The following MED13L variants were observed in gnomAD, a reference collection of about 807,000 sequenced individuals.
MED13L encodes the protein mediator complex subunit 13L, also known as mediator of RNA polymerase II transcription subunit 13-like.
Under a neutral mutation model 220.9 loss-of-function variants are expected in MED13L, and 7 were observed. The ratio of observed to expected loss-of-function variants is 0.03; its 90% CI spans 0.02 to 0.06. The LOEUF is 0.06. Among genes scored for constraint, MED13L ranks in the 10% least tolerant of loss-of-function variants. The pLI, the probability that MED13L is intolerant of heterozygous loss-of-function variation, is 1.00. For missense variants in MED13L, 1,965 were observed against 2,760.5 expected, an observed-to-expected ratio of 0.71 and a Z score of 6.46; for synonymous variants, 1,011 against 1,015.2, an observed-to-expected ratio of 1.00 and a Z score of 0.08.
intron 2 of MED13L, among the ~76,000 whole-genome samples, chr12:116,156,152 A>T (rs1878408113): frequency 6.6e-6 from 1 of 152,066 alleles, no homozygotes; most frequent in Non-Finnish European, 1.5e-5. Context: ...CTTTAAGCTT[A>T]TAATAATTAT....
intron 2 of MED13L, among the ~76,000 whole-genome samples, chr12:116,178,257 C>T (rs1159850361): frequency 2.0e-5 from 3 of 152,140 alleles, no homozygotes; most frequent in Admixed American, 2.0e-4. Context: ...TATGAGAGTA[C>T]TCTCTGATAC....
chr12:116,229,481 G>T (rs1176294106), intron 2 of MED13L, among the ~76,000 whole-genome samples: 4 of 151,864 alleles, frequency 2.6e-5, no homozygotes, highest in Non-Finnish European at 5.9e-5. Flanking sequence ...TAGAACATAA[G>T]CCCTTTACAT....
intron 2 of MED13L, among the ~76,000 whole-genome samples, chr12:116,141,281 A>G (rs1877045852): frequency 6.6e-6 from 1 of 152,234 alleles, no homozygotes; most frequent in Non-Finnish European, 1.5e-5. Context: ...TTGTAATTAT[A>G]TAAATGAAGG....
chr12:116,266,019 T>C (rs1362256917), intron 1 of MED13L, among the ~76,000 whole-genome samples: 1 of 152,254 alleles, frequency 6.6e-6, no homozygotes, highest in African/African-American at 2.4e-5. Flanking sequence ...TGCATGCAGA[T>C]CTTTTTTCCG....
At chr12:116,142,486 G>A (rs113469387) in intron 2 of MED13L, among the ~76,000 whole-genome samples, 10,567 of 152,090 alleles carry the variant, frequency 0.069, 486 homozygotes, top group Middle Eastern at 0.11. Context: ...GCAGGAGTTC[G>A]AGACCAGCCT....
chr12:116,090,698 A>T (rs1273648382), intron 4 of MED13L, among the ~76,000 whole-genome samples: 2 of 152,230 alleles, frequency 1.3e-5, no homozygotes, highest in Non-Finnish European at 2.9e-5. Flanking sequence ...TTAATGGAAG[A>T]TCATCTACAT....
chr12:116,239,088 C>T (rs1331000202), intron 1 of MED13L, among the ~76,000 whole-genome samples: 1 of 152,064 alleles, frequency 6.6e-6, no homozygotes, highest in Non-Finnish European at 1.5e-5. Context: ...TGCCACAGCA[C>T]TCCAGCCAGG....
chr12:116,127,965 T>C (rs1875736769), intron 2 of MED13L, among the ~76,000 whole-genome samples: 1 of 152,172 alleles, frequency 6.6e-6, no homozygotes, highest in African/African-American at 2.4e-5. Flanking sequence ...GCACTGGCCT[T>C]CTTTTTTCCA....
chr12:116,111,666 A>G (rs1392675977), intron 2 of MED13L, among the ~76,000 whole-genome samples, 154 bp from the exon 3 acceptor site: 4 of 152,206 alleles, frequency 2.6e-5, no homozygotes, highest in African/African-American at 9.7e-5. Context: ...GAATTTAAGT[A>G]TTTGCCCAAA....
chr12:116,008,379 G>A (rs746471187), intron 10 of MED13L, 22 bp downstream of exon 10: 7 of 1,593,108 alleles, frequency 4.4e-6, no homozygotes, highest in Non-Finnish European at 6.0e-6. Context: ...GGACGGGTGG[G>A]TGGTGCAGAG....
At chr12:116,275,226 A>G (rs1001007319) in intron 1 of MED13L, among the ~76,000 whole-genome samples, 1 of 152,124 alleles carries the variant, frequency 6.6e-6, no homozygotes, top group Admixed American at 6.5e-5. Context: ...TTGCTAATCT[A>G]TGGAAGTCCC....
At chr12:116,096,093 C>T (rs369189585) in intron 4 of MED13L, among the ~76,000 whole-genome samples, 1 of 151,960 alleles carries the variant, frequency 6.6e-6, no homozygotes, top group African/African-American at 2.4e-5. Context: ...ATGGCTCGCA[C>T]CTATAATCCC....
intron 4 of MED13L, among the ~76,000 whole-genome samples, chr12:116,062,950 T>C (rs1037288771): frequency 1.3e-5 from 2 of 152,196 alleles, no homozygotes; most frequent in African/African-American, 2.4e-5. Context: ...TGCTTTTGTG[T>C]CTTTGCTGCT....
At chr12:116,044,602 T>C (rs1566027773) in intron 4 of MED13L, among the ~76,000 whole-genome samples, 1 of 152,208 alleles carries the variant, frequency 6.6e-6, no homozygotes, top group Admixed American at 6.5e-5. Flanking sequence ...TGAAGGAATA[T>C]TTCTCTGAGC....
At chr12:116,216,537 G>C (rs1883008753) in intron 2 of MED13L, among the ~76,000 whole-genome samples, 1 of 152,146 alleles carries the variant, frequency 6.6e-6, no homozygotes, top group Non-Finnish European at 1.5e-5. Context: ...AGATGCTTCT[G>C]GAAGAAATGT....
In MED13L at chr12:116,005,950, G is replaced by A. The variant is rs753200807; in HGVS notation, c.2388C>T (p.Ser796=). Residue 796 remains serine, a synonymous_variant, in exon 13 of 31, where the codon AGC becomes AGT. Transcript: ENST00000281928. ...DNAAGRAGSS[S]LTQVTDLAPS... Reference sequence around the variant, plus strand: ...GTGCCAAATCTGTTACCTGTGTAAGGCTACTGGAGCCAGCTCTGCCAGCAG... The same window carrying A: ...GTGCCAAATCTGTTACCTGTGTAAGACTACTGGAGCCAGCTCTGCCAGCAG... 1.2e-6 allele frequency: 2 copies of A among 1,613,948 alleles called. No individual in the cohort carries two copies. The highest frequency in any genetic ancestry group is 1.7e-6 in the Non-Finnish European group (2 of 1,179,890).
chr12:116,032,612 C>T (rs1323336045), intron 4 of MED13L, among the ~76,000 whole-genome samples: 2 of 152,086 alleles, frequency 1.3e-5, no homozygotes, highest in African/African-American at 2.4e-5. Flanking sequence ...TTTCAGATAC[C>T]GACATGGCTC....
chr12:116,214,906 G>A (rs1285665475), intron 2 of MED13L, among the ~76,000 whole-genome samples: 1 of 152,068 alleles, frequency 6.6e-6, no homozygotes, highest in Non-Finnish European at 1.5e-5. Context: ...GATAAATTCA[G>A]GCCACCCTAT....
At chr12:116,198,160 G>C (rs142064390) in intron 2 of MED13L, among the ~76,000 whole-genome samples, 58 of 151,700 alleles carry the variant, frequency 3.8e-4, no homozygotes, top group Non-Finnish European at 5.4e-4. Context: ...AAGTACCAGA[G>C]AACTACAATG....
Sources: gnomAD v4.1 joint callset for allele counts (sites outside exome capture counted in the v4.1 genomes callset) on GRCh38, gnomAD v4.1.1 for gene constraint, MANE v1.5 for transcripts, NCBI Gene and HGNC (gene_info 2026-07-23, HGNC 2026-07-21) for gene names.